ATP8A2: variants seen among roughly 807,000 people sequenced by gnomAD.
ATP8A2 encodes phospholipid-transporting ATPase IB.
Under a neutral mutation model 165.6 loss-of-function variants are expected in ATP8A2, and 100 were observed. The ratio of observed to expected loss-of-function variants is 0.60; its 90% CI spans 0.51 to 0.71. The LOEUF (loss-of-function observed/expected upper bound fraction) is 0.71. Ranked by LOEUF, ATP8A2 falls within the 30% of genes least tolerant of loss-of-function variation. The pLI, the probability that ATP8A2 is intolerant of heterozygous loss-of-function variation, is 0.00. For synonymous variants in ATP8A2, 543 were observed against 548.8 expected, an observed-to-expected ratio of 0.99 and a Z score of 0.15; for missense variants, 1,227 against 1,479.5, an observed-to-expected ratio of 0.83 and a Z score of 2.80.
At chr13:25,396,348 G>A (rs2033424331) in intron 1 of ATP8A2, among the ~76,000 whole-genome samples, 1 of 152,168 alleles carries the variant, frequency 6.6e-6, no homozygotes. Flanking sequence ...AAAAGTTAGA[G>A]TGCTTTTTTT....
chr13:25,627,825 A>G (rs1202283265), intron 24 of ATP8A2, among the ~76,000 whole-genome samples: 1 of 152,228 alleles, frequency 6.6e-6, no homozygotes, highest in South Asian at 2.1e-4. Flanking sequence ...ATTAGTCCTC[A>G]GTGTTCTGAA....
At chr13:25,960,636 C>A (rs1247816630) in intron 33 of ATP8A2, among the ~76,000 whole-genome samples, 1 of 152,156 alleles carries the variant, frequency 6.6e-6, no homozygotes. Flanking sequence ...AGGCTCCGGG[C>A]TTTTGCTCAT....
intron 26 of ATP8A2, among the ~76,000 whole-genome samples, chr13:25,774,161 A>C (rs188247355): frequency 6.6e-6 from 1 of 152,262 alleles, no homozygotes; most frequent in East Asian, 1.9e-4. Context: ...AATCAACCCA[A>C]ATGTCCATCC....
intron 27 of ATP8A2, among the ~76,000 whole-genome samples, chr13:25,802,655 G>A (rs1391711430): frequency 6.6e-6 from 1 of 152,114 alleles, no homozygotes. Context: ...GAAGCCTGAT[G>A]TGCTGGATAT....
Position 25,860,672 on chromosome 13 carries a change from C to G in ATP8A2, c.3019-132C>G, listed in dbSNP as rs568252997. The G allele has an allele frequency of 2.3e-5, 16 of 685,888 alleles. No homozygotes were observed. In the South Asian group the frequency reaches 2.8e-4, roughly 12 times the overall value. The allele number at this position is 685,888 out of a possible 1,614,324, so 42.5% of individuals were successfully genotyped here. ...TAACCCTTAGAGAATTAGCTACTGA[C>G]ATGGCTGGTGCTTTCAAACCGGAGC... On this transcript the variant is annotated intron_variant, in intron 31 of 36. Coordinates refer to ENST00000381655, the MANE Select transcript of ATP8A2 (RefSeq NM_016529.6).
At chr13:25,894,085 GT>G in intron 33 of ATP8A2, among the ~76,000 whole-genome samples, 1 of 152,304 alleles carries the variant, frequency 6.6e-6, no homozygotes, top group Non-Finnish European at 1.5e-5. Flanking sequence ...TGCTTTTGGT[GT>G]TTTAGACATG....
At chr13:25,938,226 G>A (rs1051361385) in intron 33 of ATP8A2, among the ~76,000 whole-genome samples, 5 of 151,674 alleles carry the variant, frequency 3.3e-5, no homozygotes, top group Admixed American at 6.6e-5. Context: ...GCCAGAAAAG[G>A]TGAAGACCCA....
chr13:25,531,177 A>ATATGT (rs1467275951), intron 4 of ATP8A2, among the ~76,000 whole-genome samples: 3 of 91,640 alleles, frequency 3.3e-5, no homozygotes, highest in Non-Finnish European at 7.5e-5. Context: ...GTTATATGAT[A>ATATGT]TATATATGTT....
chr13:25,513,203 G>C (rs574438512), intron 2 of ATP8A2, among the ~76,000 whole-genome samples: 8 of 151,880 alleles, frequency 5.3e-5, no homozygotes, highest in African/African-American at 1.9e-4. Flanking sequence ...TTCTCAGACG[G>C]TGCGGTTGCC....
At chr13:25,890,116 C>T (rs374317934) in intron 33 of ATP8A2, among the ~76,000 whole-genome samples, 3 of 152,160 alleles carry the variant, frequency 2.0e-5, no homozygotes, top group East Asian at 3.9e-4. Flanking sequence ...GAGCCGAGAT[C>T]GCTCCACTGC....
intron 25 of ATP8A2, among the ~76,000 whole-genome samples, chr13:25,717,401 T>C (rs1294495218): frequency 7.3e-6 from 1 of 137,026 alleles, no homozygotes; most frequent in African/African-American, 3.0e-5. Flanking sequence ...CATTATTCCA[T>C]ATGATCCTGA....
At chr13:25,564,667 A>G (rs553469677) in intron 16 of ATP8A2, among the ~76,000 whole-genome samples, 1 of 152,110 alleles carries the variant, frequency 6.6e-6, no homozygotes, top group East Asian at 1.9e-4. Flanking sequence ...ACATCAATTC[A>G]CTGTTATTTT....
At chr13:25,385,399 T>G (rs1194790540) in intron 1 of ATP8A2, among the ~76,000 whole-genome samples, 3 of 152,198 alleles carry the variant, frequency 2.0e-5, no homozygotes, top group Admixed American at 1.3e-4. Context: ...TCCTCCTCTA[T>G]AAAATGTCAG....
At chr13:25,412,569 G>T (rs181508062) in intron 1 of ATP8A2, among the ~76,000 whole-genome samples, 266 of 152,310 alleles carry the variant, frequency 1.7e-3, no homozygotes, top group Non-Finnish European at 3.8e-4. Context: ...GGTGGCTGCC[G>T]AAGGACTTAT....
At chr13:25,685,909 G>T (rs2042591453) in intron 24 of ATP8A2, among the ~76,000 whole-genome samples, 1 of 152,204 alleles carries the variant, frequency 6.6e-6, no homozygotes, top group Non-Finnish European at 1.5e-5. Flanking sequence ...AGGTGAGGGA[G>T]GGTGACCCTA....
intron 25 of ATP8A2, among the ~76,000 whole-genome samples, chr13:25,767,862 A>C (rs2044523548): frequency 6.6e-6 from 1 of 152,170 alleles, no homozygotes; most frequent in Non-Finnish European, 1.5e-5. Flanking sequence ...TCAAGTTGGT[A>C]GAATGAGATG....
intron 23 of ATP8A2, among the ~76,000 whole-genome samples, chr13:25,588,990 C>T (rs979309380): frequency 1.3e-5 from 2 of 152,250 alleles, no homozygotes; most frequent in East Asian, 1.9e-4. Flanking sequence ...GAAAATAGTT[C>T]TCCTGCTGGG....
intron 24 of ATP8A2, among the ~76,000 whole-genome samples, chr13:25,606,101 T>G (rs1451923893): frequency 6.6e-6 from 1 of 152,188 alleles, no homozygotes; most frequent in African/African-American, 2.4e-5. Context: ...TTTCTCAGTG[T>G]TGTTTGTGGA....
intron 23 of ATP8A2, among the ~76,000 whole-genome samples, chr13:25,583,612 G>A (rs532781186): frequency 2.0e-5 from 3 of 152,100 alleles, no homozygotes; most frequent in Non-Finnish European, 2.9e-5. Context: ...GCCCTTTTTC[G>A]TGTGTGTTCA....
Sources: allele counts gnomAD v4.1 joint callset (sites outside exome capture counted in the v4.1 genomes callset), GRCh38; gene constraint gnomAD v4.1.1; transcripts MANE v1.5; gene names NCBI Gene and HGNC (gene_info 2026-07-23, HGNC 2026-07-21).